Variants in SLC9A9 observed in about 807,000 individuals in gnomAD.
The protein encoded by SLC9A9 is sodium/hydrogen exchanger 9.
Under a neutral mutation model 77.8 loss-of-function variants are expected in SLC9A9, and 62 were observed. That is an observed-to-expected ratio of 0.80 (90% CI 0.65 to 0.98). The LOEUF is 0.98. SLC9A9 is among the 50% of genes least tolerant of loss of function. SLC9A9 has a pLI of 0.00. For synonymous variants in SLC9A9, 320 were observed against 283.5 expected (o/e 1.13, Z -1.29); for missense variants, 775 against 774.9 (o/e 1.00, Z 0.00).
intron 4 of SLC9A9, among the ~76,000 whole-genome samples, chr3:143,756,690 A>G (rs1476982907): frequency 6.6e-6 from 1 of 152,218 alleles, no homozygotes; most frequent in Non-Finnish European, 1.5e-5. Flanking sequence ...ATTAATAGGA[A>G]TAGTCACATT....
intron 6 of SLC9A9, among the ~76,000 whole-genome samples, chr3:143,581,510 CCCTT>C (rs1407609151): frequency 2.6e-5 from 4 of 152,016 alleles, no homozygotes; most frequent in Non-Finnish European, 5.9e-5. Context: ...TTCCCTCCCT[CCCTT>C]CCTTCCTTCT....
intron 6 of SLC9A9, among the ~76,000 whole-genome samples, chr3:143,600,741 T>TA (rs2037833479): frequency 6.6e-6 from 1 of 152,200 alleles, no homozygotes; most frequent in Non-Finnish European, 1.5e-5. Flanking sequence ...CATGAGGAGC[T>TA]AAAATAATGA....
At chr3:143,316,585 A>G (rs1232226504) in intron 14 of SLC9A9, among the ~76,000 whole-genome samples, 2 of 152,198 alleles carry the variant, frequency 1.3e-5, no homozygotes, top group Non-Finnish European at 2.9e-5. Flanking sequence ...ACTGACAATG[A>G]TGTATCACAA....
rs181422496 is a variant in SLC9A9 at position 143,277,944 on chromosome 3, G to T, written c.1605-8964C>A. Among the ~76,000 whole-genome samples, 15 of 152,262 alleles carry T rather than the reference G, an allele frequency of 9.9e-5. 1 individual carries two copies. The highest frequency in any genetic ancestry group is 2.1e-4 in the South Asian group (1 of 4,820). On this transcript the variant is annotated intron_variant, in intron 14 of 15. Coordinates refer to ENST00000316549, the MANE Select transcript of SLC9A9 (RefSeq NM_173653.4). ...ACTGGATGTAGTCCTATAAGCACTA[G>T]AGTTTTAGCTAGCTACCCCAGAGCT...
chr3:143,638,475 T>A (rs540063800), intron 6 of SLC9A9, among the ~76,000 whole-genome samples: 3 of 152,252 alleles, frequency 2.0e-5, no homozygotes, highest in Non-Finnish European at 4.4e-5. Flanking sequence ...ACTTTTGAAA[T>A]GAGAAACTCT....
chr3:143,326,780 G>A (rs914187424), intron 14 of SLC9A9, among the ~76,000 whole-genome samples: 2 of 152,290 alleles, frequency 1.3e-5, no homozygotes, highest in African/African-American at 4.8e-5. Flanking sequence ...ATTGTAAACT[G>A]CATGGTAACA....
intron 11 of SLC9A9, among the ~76,000 whole-genome samples, chr3:143,474,131 G>A (rs1461446427): frequency 6.6e-6 from 1 of 152,134 alleles, no homozygotes; most frequent in Non-Finnish European, 1.5e-5. Context: ...TAGGCTTCGG[G>A]AATAGTAGGT....
chr3:143,578,093 T>TA (rs1014777720), intron 7 of SLC9A9, among the ~76,000 whole-genome samples: 4 of 152,180 alleles, frequency 2.6e-5, no homozygotes, highest in Non-Finnish European at 5.9e-5. Context: ...TTCCCTTCTA[T>TA]AAAGTAGCTG....
intron 6 of SLC9A9, among the ~76,000 whole-genome samples, chr3:143,579,288 C>A (rs137879068): frequency 2.0e-5 from 3 of 152,262 alleles, no homozygotes; most frequent in Admixed American, 1.3e-4. Context: ...CATGGAGAGA[C>A]AAAACCCTCA....
intron 2 of SLC9A9, among the ~76,000 whole-genome samples, chr3:143,830,719 A>G (rs1286492757): frequency 2.0e-5 from 3 of 152,220 alleles, no homozygotes; most frequent in Admixed American, 6.5e-5. Flanking sequence ...ATGTATTTTA[A>G]TTTAAATCCT....
rs1023193363 is a variant in SLC9A9, at chr3:143,843,383, A to G, written c.175+4765T>C. On this transcript the variant is annotated intron_variant, in intron 1 of 15. Transcript: ENST00000316549. ...ATTTTTCAATCCTTGATGATTCACTATGTAACTGTATTTTCTTTAAATCTT... is the reference window on the plus strand; with the variant it reads ...ATTTTTCAATCCTTGATGATTCACTGTGTAACTGTATTTTCTTTAAATCTT... 2.0e-5 allele frequency among the ~76,000 whole-genome samples: 3 copies of G among 152,198 alleles called. No homozygotes were observed. In the South Asian group the frequency reaches 6.2e-4, roughly 32 times the overall value.
chr3:143,564,244 C>A (rs1166784928), intron 8 of SLC9A9, among the ~76,000 whole-genome samples: 1 of 152,134 alleles, frequency 6.6e-6, no homozygotes, highest in Non-Finnish European at 1.5e-5. Context: ...CTCCAGAATT[C>A]TTTTCTCATT....
intron 14 of SLC9A9, among the ~76,000 whole-genome samples, chr3:143,331,437 A>G (rs1472184574): frequency 1.3e-5 from 2 of 152,234 alleles, no homozygotes; most frequent in African/African-American, 4.8e-5. Flanking sequence ...CAGTGCTAGC[A>G]TTCAATTATT....
chr3:143,797,988 C>A lies in SLC9A9; in HGVS notation c.379-1085G>T, dbSNP rs149652941. Among the ~76,000 whole-genome samples, 616 of 152,270 alleles carry A rather than the reference C, an allele frequency of 4.0e-3. 4 individuals are homozygous for A. The highest frequency in any genetic ancestry group is 6.9e-3 in the Non-Finnish European group (472 of 68,018). ...AGGGGACCACCCTTGGGAGATCAACCCCTGTCCTCCTGCTCTTTGCTCCGT... is the reference window on the plus strand; with the variant it reads ...AGGGGACCACCCTTGGGAGATCAACACCTGTCCTCCTGCTCTTTGCTCCGT... On this transcript the variant is annotated intron_variant, in intron 2 of 15. Coordinates refer to ENST00000316549, the MANE Select transcript of SLC9A9 (RefSeq NM_173653.4).
At chr3:143,552,921 G>C (rs1379508981) in intron 8 of SLC9A9, among the ~76,000 whole-genome samples, 1 of 152,172 alleles carries the variant, frequency 6.6e-6, no homozygotes, top group Non-Finnish European at 1.5e-5. Flanking sequence ...AGTATTAAAA[G>C]TCATGAGTGA....
At chr3:143,481,638 TC>T (rs2035576015) in intron 11 of SLC9A9, among the ~76,000 whole-genome samples, 1 of 152,220 alleles carries the variant, frequency 6.6e-6, no homozygotes, top group Non-Finnish European at 1.5e-5. Flanking sequence ...TTCTCAAACT[TC>T]CATGTGCACA....
chr3:143,736,333 C>T (rs937293084), intron 4 of SLC9A9, among the ~76,000 whole-genome samples: 1 of 152,090 alleles, frequency 6.6e-6, no homozygotes, highest in Admixed American at 6.5e-5. Context: ...AAGTAAGAAC[C>T]ATGTCCTCTT....
chr3:143,334,635 T>C (rs1324599469), intron 14 of SLC9A9, among the ~76,000 whole-genome samples: 2 of 152,152 alleles, frequency 1.3e-5, no homozygotes, highest in East Asian at 3.8e-4. Flanking sequence ...GCATGTAAGG[T>C]ATGTATCAGT....
At chr3:143,449,605 AATATAATAATT>A (rs2034935369) in intron 12 of SLC9A9, among the ~76,000 whole-genome samples, 1 of 10,858 alleles carries the variant, frequency 9.2e-5, no homozygotes, top group Non-Finnish European at 1.3e-4. Flanking sequence ...AATTATATAA[AATATAATAATT>A]ATATAATTAT....
Sources: allele counts gnomAD v4.1 joint callset (sites outside exome capture counted in the v4.1 genomes callset), GRCh38; gene constraint gnomAD v4.1.1; transcripts MANE v1.5; gene names NCBI Gene and HGNC (gene_info 2026-07-23, HGNC 2026-07-21).